USP15: variants seen among roughly 807,000 people sequenced by gnomAD.
The protein encoded by USP15 is ubiquitin carboxyl-terminal hydrolase 15.
In USP15, 18 loss-of-function variants were observed where a neutral mutation model predicts 127.1. The observed-to-expected ratio is 0.14, with a 90% confidence interval of 0.10 to 0.21. The LOEUF is 0.21. USP15 is among the 10% of genes least tolerant of loss of function. USP15 has a pLI of 1.00. For synonymous variants in USP15, 364 were observed against 393.7 expected (o/e 0.92, Z 0.89); for missense variants, 805 against 1,159.9 (o/e 0.69, Z 4.44).
At chr12:62,298,881 CCTGAAACTGG>C (rs1401711337) in intron 2 of USP15, among the ~76,000 whole-genome samples, 2 of 150,088 alleles carry the variant, frequency 1.3e-5, no homozygotes, top group East Asian at 3.9e-4. Flanking sequence ...GCTGAAACTT[CCTGAAACTGG>C]GAAGGGAAAT....
At chr12:62,321,662 A>G (rs2064987026) in intron 5 of USP15, 53 bp downstream of exon 5, 2 of 1,391,932 alleles carry the variant, frequency 1.4e-6, no homozygotes, top group Non-Finnish European at 1.9e-6. Context: ...TTGGATTCAC[A>G]AACTTTAATA....
intron 5 of USP15, among the ~76,000 whole-genome samples, chr12:62,325,372 C>T (rs2065097577): frequency 2.6e-5 from 4 of 151,950 alleles, no homozygotes. Flanking sequence ...AATTTCAAAA[C>T]CCCAAATAAA....
chr12:62,375,081 T>C (rs2066784486), intron 8 of USP15, among the ~76,000 whole-genome samples: 1 of 152,100 alleles, frequency 6.6e-6, no homozygotes. Context: ...AGAGTGTCCA[T>C]TGGATGAGAC....
intron 1 of USP15, among the ~76,000 whole-genome samples, chr12:62,266,316 A>G (rs1037298871): frequency 3.9e-5 from 6 of 152,172 alleles, no homozygotes; most frequent in African/African-American, 1.4e-4. Flanking sequence ...GTATTGGTTT[A>G]CTATAAGCCA....
intron 3 of USP15, among the ~76,000 whole-genome samples, chr12:62,308,382 A>G (rs1464608026): frequency 6.6e-6 from 1 of 152,050 alleles, no homozygotes; most frequent in Non-Finnish European, 1.5e-5. Flanking sequence ...CCTTTCCCAC[A>G]TTGTACGACA....
At chr12:62,330,712 G>A (rs1434235639) in intron 6 of USP15, among the ~76,000 whole-genome samples, 1 of 151,448 alleles carries the variant, frequency 6.6e-6, no homozygotes, top group African/African-American at 2.4e-5. Context: ...CTTGAGCCCA[G>A]GAGTTCAAGA....
chr12:62,297,613 C>T (rs181700016), intron 2 of USP15, among the ~76,000 whole-genome samples: 1 of 152,248 alleles, frequency 6.6e-6, no homozygotes, highest in Non-Finnish European at 1.5e-5. Flanking sequence ...TGCACAAGTA[C>T]AGAAAAGACA....
chr12:62,323,979 G>A (rs989904084), intron 5 of USP15, among the ~76,000 whole-genome samples: 1 of 149,524 alleles, frequency 6.7e-6, no homozygotes, highest in Non-Finnish European at 1.5e-5. Flanking sequence ...GAGAAGATAA[G>A]TGACATAAAC....
In USP15 at chr12:62,350,269, AAATTAAAACACCAAT is replaced by A. The variant is rs1233847528; in HGVS notation, c.770+979_770+993del. Among the ~76,000 whole-genome samples, 25 of 152,236 alleles carry A rather than the reference AAATTAAAACACCAAT, an allele frequency of 1.6e-4. No homozygotes were observed. In the East Asian group the frequency reaches 1.7e-3, roughly 11 times the overall value. ...CTTTAAAATTAAAACACCAATAATT[AAATTAAAACACCAAT>A]AATTAAAACACCAATAGTTAAATTT... is the stretch of plus-strand genomic sequence containing the variant. On this transcript the variant is annotated intron_variant, in intron 7 of 21. Transcript: ENST00000280377.
intron 4 of USP15, among the ~76,000 whole-genome samples, chr12:62,315,365 A>G (rs2064803155): frequency 6.6e-6 from 1 of 152,030 alleles, no homozygotes; most frequent in Non-Finnish European, 1.5e-5. Context: ...ATTAATGAGT[A>G]GCGTAAGCAG....
intron 6 of USP15, among the ~76,000 whole-genome samples, chr12:62,333,872 A>G (rs1052405389): frequency 6.6e-6 from 1 of 152,168 alleles, no homozygotes; most frequent in African/African-American, 2.4e-5. Context: ...AAAACCTTAA[A>G]GAGCATCCTG....
intron 21 of USP15, among the ~76,000 whole-genome samples, chr12:62,402,828 A>C (rs2067739322): frequency 6.6e-6 from 1 of 152,074 alleles, no homozygotes; most frequent in African/African-American, 2.4e-5. Context: ...AACATCATAG[A>C]AGATAGATTG....
chr12:62,276,837 A>G (rs976166511), intron 1 of USP15, among the ~76,000 whole-genome samples: 3 of 152,150 alleles, frequency 2.0e-5, no homozygotes, highest in Admixed American at 2.0e-4. Flanking sequence ...AAGATCATAT[A>G]AAGTTATGAA....
intron 6 of USP15, among the ~76,000 whole-genome samples, chr12:62,333,846 G>A (rs1222358108): frequency 6.6e-6 from 1 of 152,098 alleles, no homozygotes; most frequent in Non-Finnish European, 1.5e-5. Context: ...AACCAAAAAT[G>A]TAGAGACAAC....
intron 1 of USP15, among the ~76,000 whole-genome samples, chr12:62,263,391 C>A (rs944899322): frequency 6.6e-6 from 1 of 152,164 alleles, no homozygotes; most frequent in Non-Finnish European, 1.5e-5. Flanking sequence ...CATTTACTAG[C>A]TTTTGAGCAC....
chr12:62,364,886 A>T (rs891545199), intron 8 of USP15, among the ~76,000 whole-genome samples: 39 of 152,032 alleles, frequency 2.6e-4, no homozygotes, highest in African/African-American at 8.9e-4. Context: ...AAGGACATGA[A>T]CTCATCCTTT....
intron 8 of USP15, among the ~76,000 whole-genome samples, chr12:62,369,761 T>C (rs2137518458): frequency 6.6e-6 from 1 of 152,258 alleles, no homozygotes; most frequent in Middle Eastern, 3.4e-3. Flanking sequence ...ATTTTTAAAA[T>C]GAAACAAATT....
At position 62,314,697 on chromosome 12, in the gene USP15, C is replaced by A. The variant is rs369163098; in HGVS notation, c.349-93C>A. The A allele has an allele frequency of 1.9e-5, 23 of 1,190,750 alleles. No individual in the cohort carries two copies. In the East Asian group the frequency reaches 2.6e-4, roughly 13 times the overall value. The allele number at this position is 1,190,750 out of a possible 1,614,324, so 73.8% of individuals were successfully genotyped here. On this transcript the variant is annotated intron_variant, in intron 3 of 21. Coordinates refer to ENST00000280377, the MANE Select transcript of USP15 (RefSeq NM_001252078.2). The stretch of plus-strand genomic sequence containing the variant: ...TAGTGACTGGTTTTTCACTGGAGAT[C>A]TGCAGTTTTCTAAAGTCTCTTTAAA...
At chr12:62,371,540 T>C (rs1246099580) in intron 8 of USP15, among the ~76,000 whole-genome samples, 1 of 152,194 alleles carries the variant, frequency 6.6e-6, no homozygotes, top group Non-Finnish European at 1.5e-5. Context: ...TAGGGTAATT[T>C]TATATCAAGT....
Sources: allele counts gnomAD v4.1 joint callset (sites outside exome capture counted in the v4.1 genomes callset), GRCh38; gene constraint gnomAD v4.1.1; transcripts MANE v1.5; gene names NCBI Gene and HGNC (gene_info 2026-07-23, HGNC 2026-07-21).